ITGA9: variants seen among roughly 807,000 people sequenced by gnomAD.
ITGA9 encodes integrin alpha-9.
In ITGA9, 56 loss-of-function variants were observed where a neutral mutation model predicts 127.8. That is an observed-to-expected ratio of 0.44 (90% CI 0.35 to 0.55). ITGA9 has a LOEUF of 0.55. Among genes scored for constraint, ITGA9 ranks in the 20% least tolerant of loss-of-function variants. The pLI, the probability that ITGA9 is intolerant of heterozygous loss-of-function variation, is 0.00. For missense variants in ITGA9, 1,196 were observed against 1,347.1 expected (o/e 0.89, Z 1.76); for synonymous variants, 508 against 514.5 (o/e 0.99, Z 0.17).
intron 17 of ITGA9, among the ~76,000 whole-genome samples, chr3:37,663,369 G>C (rs1009903328): frequency 2.0e-5 from 3 of 152,126 alleles, no homozygotes; most frequent in African/African-American, 7.2e-5. Context: ...GATAAAATAA[G>C]GACTTTTAAG....
chr3:37,560,827 T>A (rs79004985), intron 15 of ITGA9, among the ~76,000 whole-genome samples: 2,911 of 152,316 alleles, frequency 0.019, 103 homozygotes, highest in African/African-American at 0.065. Flanking sequence ...GTGGTTTATA[T>A]GAACAGAAAT....
chr3:37,687,431 G>A (rs1700792510), intron 18 of ITGA9, among the ~76,000 whole-genome samples: 1 of 152,302 alleles, frequency 6.6e-6, no homozygotes, highest in East Asian at 1.9e-4. Context: ...CTGGAAAACA[G>A]CAAAGAGAAA....
At chr3:37,812,975 C>T (rs1293685018) in intron 27 of ITGA9, among the ~76,000 whole-genome samples, 1 of 152,250 alleles carries the variant, frequency 6.6e-6, no homozygotes, top group Non-Finnish European at 1.5e-5. Flanking sequence ...TTTCTCAAAG[C>T]TCTCCCCAAG....
chr3:37,746,263 G>A (rs772810842), intron 22 of ITGA9, among the ~76,000 whole-genome samples: 25 of 152,194 alleles, frequency 1.6e-4, no homozygotes, highest in Middle Eastern at 3.4e-3. Flanking sequence ...TTTAAAAATC[G>A]GTTATTCAAC....
intron 15 of ITGA9, among the ~76,000 whole-genome samples, chr3:37,598,371 G>C (rs1329410247): frequency 6.6e-6 from 1 of 152,160 alleles, no homozygotes; most frequent in African/African-American, 2.4e-5. Context: ...GGAGGGGATG[G>C]TGCCAGGGAG....
intron 16 of ITGA9, among the ~76,000 whole-genome samples, chr3:37,644,870 T>G (rs575406567): frequency 6.6e-6 from 1 of 152,314 alleles, no homozygotes; most frequent in East Asian, 1.9e-4. Flanking sequence ...CTTGAGGATA[T>G]GAATGTTTTA....
intron 18 of ITGA9, among the ~76,000 whole-genome samples, chr3:37,692,735 C>T (rs141867733): frequency 2.6e-5 from 4 of 151,914 alleles, no homozygotes; most frequent in African/African-American, 9.7e-5. Context: ...ATGTGATGCA[C>T]GTAATACATA....
intron 23 of ITGA9, 110 bp from the exon 24 acceptor site, chr3:37,777,282 G>C (rs535570652): frequency 8.0e-7 from 1 of 1,246,882 alleles, no homozygotes; most frequent in Non-Finnish European, 1.2e-6. Flanking sequence ...AATGGACAAG[G>C]AGGAAAGGTG....
At chr3:37,727,111 C>G (rs1368330344) in intron 18 of ITGA9, among the ~76,000 whole-genome samples, 2 of 152,158 alleles carry the variant, frequency 1.3e-5, no homozygotes, top group Admixed American at 1.3e-4. Flanking sequence ...GATTGTTTAC[C>G]CTGGTGATGA....
At chr3:37,584,326 C>T (rs962353867) in intron 15 of ITGA9, among the ~76,000 whole-genome samples, 1 of 152,202 alleles carries the variant, frequency 6.6e-6, no homozygotes, top group Non-Finnish European at 1.5e-5. Flanking sequence ...ACTATCACTT[C>T]TGCCCTCATT....
At chr3:37,805,973 T>G (rs1418366568) in intron 27 of ITGA9, 1 of 152,096 alleles carries the variant, frequency 6.6e-6, no homozygotes, top group African/African-American at 2.4e-5. Flanking sequence ...CCGCCCGGCC[T>G]AAGCCTTTTA....
chr3:37,500,216 G>T (rs1698774274), intron 5 of ITGA9, among the ~76,000 whole-genome samples: 1 of 152,218 alleles, frequency 6.6e-6, no homozygotes, highest in South Asian at 2.1e-4. Context: ...ATGCAGGACA[G>T]ATGAGTGTAA....
At chr3:37,683,782 C>T in intron 17 of ITGA9, 83 bp from the exon 18 acceptor site, 4 of 1,433,292 alleles carry the variant, frequency 2.8e-6, no homozygotes, top group South Asian at 1.2e-5. Context: ...GGTTTCTGCC[C>T]CCCACCTTCA....
intron 18 of ITGA9, among the ~76,000 whole-genome samples, chr3:37,717,449 GA>G (rs1701147095): frequency 6.6e-6 from 1 of 152,160 alleles, no homozygotes; most frequent in Non-Finnish European, 1.5e-5. Context: ...GGCAATTTAT[GA>G]AGAAAGAGGT....
At chr3:37,552,743 G>A (rs928430603) in intron 15 of ITGA9, among the ~76,000 whole-genome samples, 1 of 152,136 alleles carries the variant, frequency 6.6e-6, no homozygotes, top group African/African-American at 2.4e-5. Flanking sequence ...GGCCAGGTGT[G>A]GTGGCTCACG....
intron 23 of ITGA9, among the ~76,000 whole-genome samples, chr3:37,775,243 G>T (rs1312881043): frequency 1.3e-5 from 2 of 152,174 alleles, no homozygotes; most frequent in African/African-American, 4.8e-5. Flanking sequence ...AGACATACCT[G>T]CAGACAACAA....
intron 4 of ITGA9, among the ~76,000 whole-genome samples, chr3:37,488,503 T>TA (rs1012106978): frequency 1.2e-4 from 19 of 152,206 alleles, no homozygotes; most frequent in African/African-American, 4.6e-4. Context: ...TTGGTAATAT[T>TA]AAAAAATTAT....
intron 1 of ITGA9, among the ~76,000 whole-genome samples, chr3:37,465,990 C>T (rs902760821): frequency 1.3e-5 from 2 of 152,038 alleles, no homozygotes; most frequent in East Asian, 3.9e-4. Flanking sequence ...CATGAATAAC[C>T]ATCTTAACCT....
intron 1 of ITGA9, among the ~76,000 whole-genome samples, chr3:37,460,914 T>C (rs1357858683): frequency 6.6e-6 from 1 of 151,872 alleles, no homozygotes; most frequent in Non-Finnish European, 1.5e-5. Context: ...TTAAGAAAAA[T>C]AAAAAATCAC....
Sources: allele counts gnomAD v4.1 joint callset (sites outside exome capture counted in the v4.1 genomes callset), GRCh38; gene constraint gnomAD v4.1.1; transcripts MANE v1.5; gene names NCBI Gene and HGNC (gene_info 2026-07-23, HGNC 2026-07-21).